Variants in ZNF385B observed in about 807,000 individuals in gnomAD.
The protein encoded by ZNF385B is zinc finger protein 385B, also known as zinc finger protein 533.
Under a neutral mutation model 39.2 loss-of-function variants are expected in ZNF385B, and 23 were observed. The observed-to-expected ratio is 0.59, with a 90% CI of 0.42 to 0.83. The LOEUF (loss-of-function observed/expected upper bound fraction) is 0.83, where lower values mean the gene tolerates loss of function less well. Ranked by LOEUF, ZNF385B falls within the 40% of genes least tolerant of loss-of-function variation. The pLI is 0.00. For synonymous variants in ZNF385B, 205 were observed against 222.6 expected (o/e 0.92, Z 0.70); for missense variants, 552 against 598.9 (o/e 0.92, Z 0.82).
At chr2:179,701,042 C>CA (rs1331311573) in intron 3 of ZNF385B, among the ~76,000 whole-genome samples, 5 of 152,050 alleles carry the variant, frequency 3.3e-5, no homozygotes, top group Non-Finnish European at 5.9e-5. Context: ...AAAAACAAAA[C>CA]AAAAAAACAC....
intron 3 of ZNF385B, among the ~76,000 whole-genome samples, chr2:179,696,758 T>C (rs1698796559): frequency 6.6e-6 from 1 of 152,176 alleles, no homozygotes; most frequent in South Asian, 2.1e-4. Context: ...CATATCAACA[T>C]ACGTATTATA....
intron 3 of ZNF385B, among the ~76,000 whole-genome samples, chr2:179,574,491 G>A (rs1685584077): frequency 6.6e-6 from 1 of 152,126 alleles, no homozygotes; most frequent in South Asian, 2.1e-4. Flanking sequence ...AGCAGCGTGG[G>A]CTAAAAAATA....
intron 3 of ZNF385B, among the ~76,000 whole-genome samples, chr2:179,601,566 G>A (rs1418744492): frequency 6.6e-6 from 1 of 152,114 alleles, no homozygotes; most frequent in East Asian, 1.9e-4. Flanking sequence ...AATAGAACCT[G>A]ATATAAAAAC....
chr2:179,815,612 A>G (rs1473341124), intron 1 of ZNF385B, among the ~76,000 whole-genome samples: 1 of 152,186 alleles, frequency 6.6e-6, no homozygotes, highest in Non-Finnish European at 1.5e-5. Flanking sequence ...TCTATGCCAT[A>G]TCTTGATTGA....
intron 6 of ZNF385B, among the ~76,000 whole-genome samples, chr2:179,475,544 C>T (rs1461912422): frequency 2.0e-5 from 3 of 151,672 alleles, no homozygotes; most frequent in Admixed American, 1.3e-4. Flanking sequence ...GCCACCATGC[C>T]TGGCCCACAC....
intron 3 of ZNF385B, among the ~76,000 whole-genome samples, chr2:179,593,200 C>T (rs72953725): frequency 0.059 from 8,998 of 151,808 alleles, 388 homozygotes; most frequent in Non-Finnish European, 0.089. Context: ...TGAAATAAAA[C>T]AAAAAATAAC....
intron 3 of ZNF385B, among the ~76,000 whole-genome samples, chr2:179,603,080 A>T (rs1279920470): frequency 1.3e-5 from 2 of 152,212 alleles, no homozygotes; most frequent in African/African-American, 4.8e-5. Context: ...TTTCTCTAAA[A>T]TTGACTGGGC....
chr2:179,702,651 T>C (rs1699295954), intron 3 of ZNF385B, among the ~76,000 whole-genome samples: 1 of 152,190 alleles, frequency 6.6e-6, no homozygotes, highest in African/African-American at 2.4e-5. Context: ...ATAGCCAAAA[T>C]AGTCTCCACA....
rs1701957489 is a variant in ZNF385B, at chr2:179,739,400, C to T, written c.298+30103G>A. ...CCTCTAGAGGGATATAAAGCACTGC[C>T]AAGTCTTTTGAGTCTTAAGCTGTTG... On this transcript the variant is annotated intron_variant, in intron 3 of 9. Transcript: ENST00000410066. 2.6e-5 allele frequency among the ~76,000 whole-genome samples: 4 copies of T among 152,142 alleles called. No individual in the cohort carries two copies. The South Asian group carries it at 8.3e-4, about 32-fold the overall frequency.
chr2:179,773,112 T>C (rs532214378), intron 1 of ZNF385B, among the ~76,000 whole-genome samples: 16 of 152,294 alleles, frequency 1.1e-4, no homozygotes, highest in African/African-American at 3.6e-4. Context: ...AATTTTCCAA[T>C]GTTACAACTT....
intron 6 of ZNF385B, among the ~76,000 whole-genome samples, chr2:179,447,499 C>G (rs2049622329): frequency 6.6e-6 from 1 of 152,128 alleles, no homozygotes; most frequent in Non-Finnish European, 1.5e-5. Flanking sequence ...ATCCTCAAGG[C>G]CCATGTGCAG....
At chr2:179,652,846 CA>C (rs10653511) in intron 3 of ZNF385B, among the ~76,000 whole-genome samples, 4,674 of 140,454 alleles carry the variant, frequency 0.033, 246 homozygotes, top group African/African-American at 0.12. Flanking sequence ...AGCAAAGCAC[CA>C]AAAAAAAAAA....
At chr2:179,833,338 T>C (rs1161928246) in intron 1 of ZNF385B, among the ~76,000 whole-genome samples, 3 of 152,144 alleles carry the variant, frequency 2.0e-5, no homozygotes, top group Non-Finnish European at 2.9e-5. Flanking sequence ...TAAGATGTGG[T>C]AGCTAGAAAA....
Position 179,443,241 on chromosome 2 carries a change from T to C in ZNF385B, c.*9A>G. The C allele has an allele frequency of 6.2e-7, 1 of 1,612,122 alleles. No individual in the cohort carries two copies. On this transcript the variant is annotated 3_prime_UTR_variant, in exon 10 of 10. Transcript: ENST00000410066. Reference sequence around the variant, plus strand: ...CTACTGGCCTCAAACGTCTTGGGGTTTGCAGACGTTAGTACGGAGCAAAGA... The same window carrying C: ...CTACTGGCCTCAAACGTCTTGGGGTCTGCAGACGTTAGTACGGAGCAAAGA...
intron 6 of ZNF385B, among the ~76,000 whole-genome samples, chr2:179,473,522 C>T (rs1050385474): frequency 1.3e-5 from 2 of 152,088 alleles, no homozygotes; most frequent in Non-Finnish European, 2.9e-5. Context: ...TTAGCACTCC[C>T]ATTTCTGAAA....
chr2:179,760,868 T>C (rs1172976524), intron 3 of ZNF385B, among the ~76,000 whole-genome samples: 1 of 152,226 alleles, frequency 6.6e-6, no homozygotes, highest in African/African-American at 2.4e-5. Context: ...TAAATTTTTA[T>C]GTTTTTTACA....
intron 1 of ZNF385B, among the ~76,000 whole-genome samples, chr2:179,841,508 T>C (rs1011295231): frequency 2.0e-5 from 3 of 152,228 alleles, no homozygotes; most frequent in African/African-American, 7.2e-5. Context: ...GAAATGTAAT[T>C]TGTGTCTGTA....
At chr2:179,851,679 T>G (rs1684172555) in intron 1 of ZNF385B, among the ~76,000 whole-genome samples, 1 of 152,206 alleles carries the variant, frequency 6.6e-6, no homozygotes. Flanking sequence ...GAGCTATTCA[T>G]GACAAGATGC....
At chr2:179,541,054 T>C (rs11888508) in intron 4 of ZNF385B, among the ~76,000 whole-genome samples, 54,180 of 151,960 alleles carry the variant, frequency 0.36, 10,188 homozygotes, top group African/African-American at 0.42. Flanking sequence ...CAAAACTGTG[T>C]CTCTGTAAAG....
Sources: gnomAD v4.1 joint callset for allele counts (sites outside exome capture counted in the v4.1 genomes callset) on GRCh38, gnomAD v4.1.1 for gene constraint, MANE v1.5 for transcripts, NCBI Gene and HGNC (gene_info 2026-07-23, HGNC 2026-07-21) for gene names.